Variants in CCDC120 observed in about 807,000 individuals in gnomAD.
CCDC120 encodes the protein coiled-coil domain containing 120.
A neutral mutation model predicts 37.6 loss-of-function variants in CCDC120; 16 were observed. The ratio of observed to expected loss-of-function variants is 0.43; its 90% CI spans 0.29 to 0.65. The LOEUF is 0.65. Ranked by LOEUF, CCDC120 falls within the 30% of genes least tolerant of loss-of-function variation. The pLI is 0.18. For missense variants in CCDC120, 650 were observed against 657.4 expected (o/e 0.99, Z 0.12); for synonymous variants, 309 against 275.4 (o/e 1.12, Z -1.21).
At position 49,062,056 on chromosome X, in the gene CCDC120, A is replaced by G. The variant is rs1557079566; in HGVS notation, c.15A>G (p.Pro5=). 2.6e-6 allele frequency: 3 copies of G among 1,156,614 alleles called. No homozygotes were observed. Among genetic ancestry groups the G allele is most frequent in the Non-Finnish European group, 3.4e-6 (3 of 872,928 alleles). Residue 5 remains proline (P), a synonymous_variant, in exon 2 of 11, where the codon CCA becomes CCG. Transcript: ENST00000603986. MRRE[P]RYQGQVGPDI... ...GCTCTCACTCAATGCGAAGGGAACC[A>G]AGGTACCAGGGCCAAGTGGGTCCAG...
In CCDC120 at chrX:49,064,928, G is replaced by A. The variant is rs189633690; in HGVS notation, c.725-108G>A. The A allele has an allele frequency of 1.2e-3, 1,032 of 850,946 alleles. 4 individuals carry two copies. The highest frequency in any genetic ancestry group is 0.01 in the South Asian group (445 of 43,945). The allele number at this position is 850,946 out of a possible 1,213,427, so 70.1% of individuals were successfully genotyped here. Reference sequence around the variant, plus strand: ...TCTTGGGACAGGAACAGGATGAGGCGGAAACTGGCCAGAAGGTGGCCCAAG... The same window carrying A: ...TCTTGGGACAGGAACAGGATGAGGCAGAAACTGGCCAGAAGGTGGCCCAAG... On this transcript the variant is annotated intron_variant, in intron 6 of 10. Coordinates refer to ENST00000603986, the MANE Select transcript of CCDC120 (RefSeq NM_001163321.4).
At chrX:49,059,902 G>A (rs782356907) in intron 1 of CCDC120, among the ~76,000 whole-genome samples, 2 of 111,931 alleles carry the variant, frequency 1.8e-5, no homozygotes, top group South Asian at 3.7e-4. Flanking sequence ...CCATCTGGGC[G>A]GGGATGAGGC....
intron 1 of CCDC120, among the ~76,000 whole-genome samples, chrX:49,061,390 T>C (rs1236674051): frequency 8.9e-6 from 1 of 112,320 alleles, no homozygotes. Flanking sequence ...TTACTCTATC[T>C]TTTATTCATT....
In CCDC120 at chrX:49,062,592, C is replaced by A. The variant is rs1557079830; in HGVS notation, c.279C>A (p.Leu93=). ...TTCAGGAGCTCCGCAAAGTGTGTCT[C>A]CAGGAGGCGGTGAGGGCCTGGCCCT... ...LKLQELRKVC[L]QEAELTGQLP... Residue 93 remains leucine, a synonymous_variant, in exon 4 of 11, where the codon CTC becomes CTA. Transcript: ENST00000603986. The A allele has an allele frequency of 3.3e-6, 4 of 1,208,745 alleles. No homozygotes were observed. The highest frequency in any genetic ancestry group is 4.5e-6 in the Non-Finnish European group (4 of 894,638).
chrX:49,057,518 A>G (rs781843063), upstream of CCDC120, among the ~76,000 whole-genome samples: 109 of 112,311 alleles, frequency 9.7e-4, no homozygotes, highest in Non-Finnish European at 1.5e-3. Flanking sequence ...ACACTCCCCA[A>G]TGCCCACCTT....
upstream of CCDC120, among the ~76,000 whole-genome samples, chrX:49,054,214 C>T (rs782376213): frequency 9.0e-6 from 1 of 111,122 alleles, no homozygotes; most frequent in African/African-American, 3.3e-5. Flanking sequence ...GACCCCGTCT[C>T]ATCTCTGAAA....
chrX:49,067,887 G>T lies in CCDC120; in HGVS notation c.1773G>T (p.Leu591=). 8.6e-7 allele frequency: 1 copy of T among 1,167,730 alleles called. No homozygotes were observed. The highest frequency in any genetic ancestry group is 1.1e-6 in the Non-Finnish European group (1 of 872,133). The change falls in exon 10 of 11, where the codon CTG becomes CTT. Residue 591 remains leucine, a synonymous_variant. Transcript: ENST00000603986. ...GERSGHKNLA[L]EGLRDWYIRN... ...GCAGTGGCCACAAGAACCTGGCTCT[G>T]GAGGGGCTGCGGGACTGGTACATCC...
rs1214775740 is a variant in CCDC120, at chrX:49,061,910, A to G, written c.-83-49A>G. ...GCACCCAGGTGTTGACTGCGTGTCC[A>G]TTGTTGTTATAGTTGGTTGAATCTG... is the stretch of plus-strand genomic sequence containing the variant. On this transcript the variant is annotated intron_variant, in intron 1 of 10. Coordinates refer to ENST00000603986, the MANE Select transcript of CCDC120 (RefSeq NM_001163321.4). The G allele has an allele frequency of 3.7e-6, 4 of 1,084,663 alleles. No homozygotes were observed. In the African/African-American group the frequency reaches 5.6e-5, roughly 15 times the overall value. 89.4% of individuals were successfully genotyped at this position (1,084,663 alleles called of 1,213,427 possible). A position where few individuals can be genotyped will look rare whatever the true frequency, so the allele number is the denominator to read the frequency against.
At chrX:49,062,416 T>C in intron 3 of CCDC120, 52 bp from the exon 4 acceptor site, 2 of 1,211,377 alleles carry the variant, frequency 1.7e-6, no homozygotes, top group Admixed American at 4.3e-5. Context: ...GCCCCACAGC[T>C]GCTCCAGAAT....
upstream of CCDC120, among the ~76,000 whole-genome samples, chrX:49,054,277 T>G (rs1602506944): frequency 9.0e-6 from 1 of 111,397 alleles, no homozygotes; most frequent in African/African-American, 3.3e-5. Context: ...GTCCTGACGC[T>G]TGACCTGTCT....
In CCDC120 at chrX:49,062,529, C is replaced by T. The variant is rs151098006; in HGVS notation, c.216C>T (p.Asp72=). ...CAGAGCGTCTGCGGGGGCTGCTTGA[C>T]CGGCAGCGGACCCTGCAGGAGGCCC... ...VKSERLRGLL[D]RQRTLQEALS... The change falls in exon 4 of 11, where the codon GAC becomes GAT. Residue 72 remains aspartate, a synonymous_variant. Coordinates refer to ENST00000603986, the MANE Select transcript of CCDC120 (RefSeq NM_001163321.4). 32 of 1,210,070 alleles carry T rather than the reference C, an allele frequency of 2.6e-5. No individual in the cohort carries two copies. In the African/African-American group the frequency reaches 5.2e-4, roughly 20 times the overall value.
At chrX:49,064,267 TAG>T in intron 5 of CCDC120, 101 bp from the exon 6 acceptor site, 1 of 910,092 alleles carries the variant, frequency 1.1e-6, no homozygotes, top group African/African-American at 2.0e-5. Flanking sequence ...CCGGGGTGAA[TAG>T]GTCTGAATAG....
intron 9 of CCDC120, 200 bp from the exon 10 acceptor site, chrX:49,066,974 CCT>C (rs1324997643): frequency 7.1e-6 from 3 of 425,430 alleles, no homozygotes; most frequent in African/African-American, 5.0e-5. Flanking sequence ...CATTTCTACC[CCT>C]GACCGCCTAG....
chrX:49,056,956 A>T (rs1557078496), upstream of CCDC120, among the ~76,000 whole-genome samples: 1 of 111,944 alleles, frequency 8.9e-6, no homozygotes, highest in East Asian at 2.8e-4. Flanking sequence ...TCCCCAATTG[A>T]CAGAGAGGCA....
chrX:49,065,191 C>A, intron 7 of CCDC120, 93 bp downstream of exon 7: 1 of 932,472 alleles, frequency 1.1e-6, no homozygotes, highest in Non-Finnish European at 1.5e-6. Flanking sequence ...CATGATCAGC[C>A]CATCCTTTGA....
At chrX:49,067,044 C>A in intron 9 of CCDC120, 132 bp from the exon 10 acceptor site, 1 of 556,498 alleles carries the variant, frequency 1.8e-6, no homozygotes. Flanking sequence ...TTTATACACA[C>A]AGCTTCCAAC....
At chrX:49,066,986 G>T in intron 9 of CCDC120, 190 bp from the exon 10 acceptor site, 1 of 444,372 alleles carries the variant, frequency 2.3e-6, no homozygotes, top group Non-Finnish European at 4.0e-6. Context: ...TGACCGCCTA[G>T]CCTAGGATAG....
In CCDC120 at chrX:49,067,241, C is replaced by A; in HGVS notation, c.1127C>A (p.Ala376Glu). Residue 376 changes from alanine (A) to glutamate (E), a missense_variant, in exon 10 of 11, where the codon GCG becomes GAG. Ala to Glu is a moderately radical substitution (Grantham distance 107). Transcript: ENST00000603986. ...GACTCCCAGATGGGCTTCCCCCGGG[C>A]GGACCCTGCCTCCGATCGCGCCTCC... ...SQDSQMGFPR[A>E]DPASDRASLF... 1 of 1,211,375 alleles carries A rather than the reference C, an allele frequency of 8.3e-7. No individual in the cohort carries two copies. The highest frequency in any genetic ancestry group is 1.1e-6 in the Non-Finnish European group (1 of 895,384).
chrX:49,057,866 G>C (rs782490312), upstream of CCDC120, among the ~76,000 whole-genome samples: 1 of 111,552 alleles, frequency 9.0e-6, no homozygotes, highest in Non-Finnish European at 1.9e-5. Context: ...GGTGGTGGTG[G>C]TGATGGTGGT....
Sources: gnomAD v4.1 joint callset for allele counts (sites outside exome capture counted in the v4.1 genomes callset) on GRCh38, gnomAD v4.1.1 for gene constraint, MANE v1.5 for transcripts, NCBI Gene and HGNC (gene_info 2026-07-23, HGNC 2026-07-21) for gene names.